HSD17B12: variants seen among roughly 807,000 people sequenced by gnomAD.
The protein encoded by HSD17B12 is very-long-chain 3-oxoacyl-CoA reductase.
Under a neutral mutation model 39.3 loss-of-function variants are expected in HSD17B12, and 32 were observed. The ratio of observed to expected loss-of-function variants is 0.81; its 90% CI spans 0.61 to 1.09. The LOEUF is 1.09. HSD17B12 is among the 50% of genes least tolerant of loss of function. The pLI is 0.00. For missense variants in HSD17B12, 342 were observed against 382.9 expected (o/e 0.89, Z 0.89); for synonymous variants, 150 against 146.7 (o/e 1.02, Z -0.16).
In HSD17B12 at chr11:43,798,304, T is replaced by C. The variant is rs1340506343; in HGVS notation, c.284-16T>C. On this transcript the variant is annotated splice_polypyrimidine_tract_variant and intron_variant, in intron 3 of 10. Transcript: ENST00000278353. ...TTTTCCCTGTCTCTCCCCGTTTGTG[T>C]TTTCTTTTTCCCTAGAAGAAAAATT... is the stretch of plus-strand genomic sequence containing the variant. 6.6e-7 allele frequency: 1 copy of C among 1,525,986 alleles called. No homozygotes were observed. The allele number at this position is 1,525,986 out of a possible 1,614,324, so 94.5% of individuals were successfully genotyped here. A position where few individuals can be genotyped will look rare whatever the true frequency, so the allele number is the denominator to read the frequency against.
At chr11:43,792,153 A>T (rs1308552431) in intron 3 of HSD17B12, among the ~76,000 whole-genome samples, 1 of 152,214 alleles carries the variant, frequency 6.6e-6, no homozygotes, top group African/African-American at 2.4e-5. Context: ...GGATGTAAGG[A>T]TACGGTAAGG....
rs1245654753 is a variant in HSD17B12 at position 43,754,181 on chromosome 11, C to T, written c.283+60C>T. On this transcript the variant is annotated intron_variant, in intron 3 of 10. Transcript: ENST00000278353. ...CTAATTAATGTTTTCAAGCAGTTAT[C>T]CGATACTGACATAGTTATTTCTAGT... 11 of 1,142,302 alleles carry T rather than the reference C, an allele frequency of 9.6e-6. 1 individual carries two copies. The highest frequency in any genetic ancestry group is 1.4e-5 in the Non-Finnish European group (11 of 763,904). 70.8% of individuals were successfully genotyped at this position (1,142,302 alleles called of 1,614,324 possible).
the HSD17B12 span, among the ~76,000 whole-genome samples, chr11:43,614,435 C>G: frequency 1.3e-5 from 2 of 152,070 alleles, no homozygotes; most frequent in Non-Finnish European, 2.9e-5. Flanking sequence ...TTCTTTTCTT[C>G]CCCCCATAGC....
At chr11:43,671,179 T>A in the HSD17B12 span, among the ~76,000 whole-genome samples, 4 of 152,180 alleles carry the variant, frequency 2.6e-5, no homozygotes, top group Non-Finnish European at 4.4e-5. Flanking sequence ...TTATTTATTT[T>A]TTTGAGATGG....
At chr11:43,810,955 G>A (rs10400343) in intron 4 of HSD17B12, among the ~76,000 whole-genome samples, 96,795 of 152,062 alleles carry the variant, frequency 0.64, 31,256 homozygotes, top group East Asian at 0.71. Context: ...AATAATGTTG[G>A]AGCAACATGT....
the HSD17B12 span, among the ~76,000 whole-genome samples, chr11:43,592,083 A>T: frequency 7.9e-5 from 12 of 152,146 alleles, no homozygotes; most frequent in East Asian, 2.3e-3. Flanking sequence ...AACTAATTTT[A>T]TTTTTAATAG....
intron 1 of HSD17B12, among the ~76,000 whole-genome samples, chr11:43,741,005 G>T (rs1326808012): frequency 6.6e-6 from 1 of 152,046 alleles, no homozygotes; most frequent in African/African-American, 2.4e-5. Flanking sequence ...TGAATGCTTC[G>T]TTTTTTTCAT....
intron 9 of HSD17B12, chr11:43,852,927 T>G (rs931373032): frequency 1.3e-5 from 2 of 152,190 alleles, no homozygotes; most frequent in African/African-American, 4.8e-5. Flanking sequence ...GCACTCCATC[T>G]GGGGTTCTTG....
chr11:43,827,447 G>A (rs1951255013), intron 6 of HSD17B12, among the ~76,000 whole-genome samples: 1 of 152,120 alleles, frequency 6.6e-6, no homozygotes. Flanking sequence ...ATAAAATAAA[G>A]TTCCTTCTAC....
the HSD17B12 span, among the ~76,000 whole-genome samples, chr11:43,625,527 A>C: frequency 6.6e-6 from 1 of 151,472 alleles, no homozygotes; most frequent in South Asian, 2.1e-4. Context: ...ATATGACTAA[A>C]ACATTTTTAA....
intron 1 of HSD17B12, among the ~76,000 whole-genome samples, chr11:43,701,188 G>C (rs1408525555): frequency 6.6e-6 from 1 of 152,118 alleles, no homozygotes; most frequent in African/African-American, 2.4e-5. Context: ...CAGATTATTA[G>C]ATTTTTTCCT....
chr11:43,667,376 T>C, the HSD17B12 span, among the ~76,000 whole-genome samples: 1 of 152,156 alleles, frequency 6.6e-6, no homozygotes, highest in South Asian at 2.1e-4. Flanking sequence ...GGTCTTGAAC[T>C]CCTGACCTCA....
At chr11:43,757,639 CAAAAAAAA>C (rs60598991) in intron 3 of HSD17B12, among the ~76,000 whole-genome samples, 224 of 7,158 alleles carry the variant, frequency 0.031, no homozygotes, top group African/African-American at 0.082. Flanking sequence ...GACTCCGTCT[CAAAAAAAA>C]AAAAAAAAAA....
chr11:43,700,248 G>A (rs1375917244), intron 1 of HSD17B12, among the ~76,000 whole-genome samples: 1 of 151,888 alleles, frequency 6.6e-6, no homozygotes, highest in Non-Finnish European at 1.5e-5. Flanking sequence ...TACACAGTAG[G>A]TATATATATT....
chr11:43,696,516 A>G (rs1377229882), intron 1 of HSD17B12, among the ~76,000 whole-genome samples: 3 of 152,248 alleles, frequency 2.0e-5, no homozygotes, highest in Non-Finnish European at 4.4e-5. Flanking sequence ...TCAAGAAACG[A>G]TAGATGCTGG....
chr11:43,659,170 A>G, the HSD17B12 span, among the ~76,000 whole-genome samples: 1 of 152,196 alleles, frequency 6.6e-6, no homozygotes, highest in Non-Finnish European at 1.5e-5. Context: ...GCAAGGCTCC[A>G]TGGGCGTAGG....
chr11:43,681,035 C>T, intron 1 of HSD17B12, 48 bp downstream of exon 1: 1 of 1,505,954 alleles, frequency 6.6e-7, no homozygotes, highest in Non-Finnish European at 8.9e-7. Flanking sequence ...CGGCCCGGAC[C>T]AGGCCTGGGC....
intron 3 of HSD17B12, among the ~76,000 whole-genome samples, chr11:43,767,544 G>C (rs1357720990): frequency 6.6e-6 from 1 of 152,036 alleles, no homozygotes; most frequent in Non-Finnish European, 1.5e-5. Flanking sequence ...CAGTTGTTTT[G>C]ATCATCTTAT....
At chr11:43,848,319 T>C (rs1951498658) in intron 9 of HSD17B12, 1 of 152,216 alleles carries the variant, frequency 6.6e-6, no homozygotes, top group African/African-American at 2.4e-5. Flanking sequence ...TCTCCTTTTT[T>C]CTTGGCCATT....
Sources: gnomAD v4.1 joint callset for allele counts (sites outside exome capture counted in the v4.1 genomes callset) on GRCh38, gnomAD v4.1.1 for gene constraint, MANE v1.5 for transcripts, NCBI Gene and HGNC (gene_info 2026-07-23, HGNC 2026-07-21) for gene names.